Variants in SERPINA11 observed in about 807,000 individuals in gnomAD.
SERPINA11 encodes the protein serpin A11.
Under a neutral mutation model 29.4 loss-of-function variants are expected in SERPINA11, and 28 were observed. That is an observed-to-expected ratio of 0.95 (90% CI 0.70 to 1.30). SERPINA11 has a LOEUF of 1.30. SERPINA11 is among the 50% of genes most tolerant of loss of function. The pLI is 0.00. For missense variants in SERPINA11, 530 were observed against 507.3 expected (o/e 1.04, Z -0.43); for synonymous variants, 253 against 206.6 (o/e 1.22, Z -1.92).
chr14:94,444,842 C>T (rs182789088), intron 3 of SERPINA11, among the ~76,000 whole-genome samples: 3 of 152,256 alleles, frequency 2.0e-5, no homozygotes, highest in Non-Finnish European at 4.4e-5. Flanking sequence ...TCTATGCACC[C>T]TCCCCTTGAA....
intron 1 of SERPINA11, among the ~76,000 whole-genome samples, chr14:94,450,197 G>T (rs1472697402): frequency 6.6e-6 from 1 of 152,134 alleles, no homozygotes; most frequent in Non-Finnish European, 1.5e-5. Flanking sequence ...AGGGCTGTGG[G>T]GATGATGTCT....
chr14:94,447,727 A>G (rs1274899657), intron 2 of SERPINA11, among the ~76,000 whole-genome samples: 5 of 152,106 alleles, frequency 3.3e-5, no homozygotes, highest in Non-Finnish European at 7.4e-5. Flanking sequence ...TGAAAATGCA[A>G]TGATATCTCT....
intron 3 of SERPINA11, among the ~76,000 whole-genome samples, chr14:94,446,081 A>AGG: frequency 6.6e-6 from 1 of 152,292 alleles, no homozygotes; most frequent in East Asian, 1.9e-4. Flanking sequence ...GTACCAGTCT[A>AGG]AGTTCTACAT....
At chr14:94,449,561 T>TTTC (rs1898550095) in intron 1 of SERPINA11, among the ~76,000 whole-genome samples, 1 of 151,024 alleles carries the variant, frequency 6.6e-6, no homozygotes, top group African/African-American at 2.5e-5. Flanking sequence ...CTTTCTTTCT[T>TTTC]TCTTTCCTTC....
chr14:94,448,400 G>A lies in SERPINA11; in HGVS notation c.375C>T (p.Thr125=), dbSNP rs769649474. The A allele has an allele frequency of 1.2e-6, 2 of 1,614,162 alleles. No homozygotes were observed. Among genetic ancestry groups the A allele is most frequent in the Non-Finnish European group, 1.7e-6 (2 of 1,180,028 alleles). ...CGAGTTTGGGGCTGGGCAGGGCAAG[G>A]GTGTGGAGGAGGCTCCGGAAGCCCT... ...IHQGFRSLLH[T]LALPSPKLEL... Residue 125 remains threonine, a synonymous_variant, in exon 2 of 5, where the codon ACC becomes ACT. Coordinates refer to ENST00000334708, the MANE Select transcript of SERPINA11 (RefSeq NM_001080451.2).
rs1252300694 is a variant in SERPINA11 at position 94,446,664 on chromosome 14, G to C, written c.644-60C>G. 4 of 1,504,296 alleles carry C rather than the reference G, an allele frequency of 2.7e-6. No homozygotes were observed. In the African/African-American group the frequency reaches 4.2e-5, roughly 16 times the overall value. 93.2% of individuals were successfully genotyped at this position (1,504,296 alleles called of 1,614,324 possible). The stretch of plus-strand genomic sequence containing the variant: ...CTTTTCAAGAGAGCAACTCTGGGTA[G>C]ACACACACAAAACCACAGTTCCTCT... On this transcript the variant is annotated intron_variant, in intron 2 of 4. Transcript: ENST00000334708.
At position 94,448,674 on chromosome 14, in the gene SERPINA11, T is replaced by A; in HGVS notation, c.101A>T (p.Gln34Leu). The A allele has an allele frequency of 6.4e-7, 1 of 1,568,698 alleles. No homozygotes were observed. Among genetic ancestry groups the A allele is most frequent in the Non-Finnish European group, 8.6e-7 (1 of 1,157,658 alleles). Residue 34 changes from glutamine (Q) to leucine (L), a missense_variant, in exon 2 of 5, where the codon CAA (glutamine) becomes CTA (leucine). Gln to Leu is a moderately radical substitution (Grantham distance 113, BLOSUM62 -2). Transcript: ENST00000334708. ...CTCTGAGAGCTGATGCCTGGGGGGT[T>A]GAGGCCCCTGCAGACTTTTATCTCC... ...AHGDKSLQGP[Q>L]PPRHQLSEPA...
intron 1 of SERPINA11, among the ~76,000 whole-genome samples, chr14:94,449,437 C>CTT (rs1491540910): frequency 2.9e-5 from 3 of 103,774 alleles, no homozygotes; most frequent in Non-Finnish European, 5.3e-5. Context: ...TTCTTTCTTT[C>CTT]TTTCTTTCTT....
chr14:94,445,493 T>C (rs1328672399), intron 3 of SERPINA11, among the ~76,000 whole-genome samples: 9 of 152,182 alleles, frequency 5.9e-5, no homozygotes, highest in African/African-American at 2.2e-4. Context: ...AACTTTAATG[T>C]TTACAATGTT....
At chr14:94,451,889 A>G (rs1392636620) in intron 1 of SERPINA11, among the ~76,000 whole-genome samples, 1 of 152,202 alleles carries the variant, frequency 6.6e-6, no homozygotes, top group Non-Finnish European at 1.5e-5. Context: ...TTCCTCTTCC[A>G]GAAAGATCCC....
At chr14:94,444,223 G>A (rs529537627) in intron 3 of SERPINA11, among the ~76,000 whole-genome samples, 2 of 152,338 alleles carry the variant, frequency 1.3e-5, no homozygotes, top group African/African-American at 4.8e-5. Context: ...CCAAAACACA[G>A]TGGATGTTTA....
intron 3 of SERPINA11, 34 bp downstream of exon 3, chr14:94,446,297 A>G (rs765158363): frequency 1.0e-5 from 16 of 1,590,586 alleles, no homozygotes; most frequent in Non-Finnish European, 1.3e-5. Flanking sequence ...TTCTTGAGCA[A>G]GGTCAGCCAG....
chr14:94,448,408 G>A lies in SERPINA11; in HGVS notation c.367C>T (p.Leu123Phe). The change falls in exon 2 of 5, where the codon CTC becomes TTC. Residue 123 changes from leucine (L) to phenylalanine (F), a missense_variant. Transcript: ENST00000334708. ...ADIHQGFRSL[L>F]HTLALPSPKL... ...GGGCTGGGCAGGGCAAGGGTGTGGA[G>A]GAGGCTCCGGAAGCCCTGGTGGATG... is the stretch of plus-strand genomic sequence containing the variant. 1 of 1,614,168 alleles carries A rather than the reference G, an allele frequency of 6.2e-7. No individual in the cohort carries two copies. The highest frequency in any genetic ancestry group is 8.5e-7 in the Non-Finnish European group (1 of 1,180,030).
intron 2 of SERPINA11, among the ~76,000 whole-genome samples, chr14:94,446,957 A>T (rs1322805663): frequency 1.3e-5 from 2 of 152,366 alleles, no homozygotes; most frequent in Non-Finnish European, 2.9e-5. Context: ...AGGGATGATC[A>T]AACTGAGTCT....
chr14:94,447,125 A>G (rs1021310845), intron 2 of SERPINA11, among the ~76,000 whole-genome samples: 5 of 152,006 alleles, frequency 3.3e-5, no homozygotes, highest in African/African-American at 1.2e-4. Context: ...TCACTCACCC[A>G]CTCCAACTCC....
Position 94,446,508 on chromosome 14 carries a change from T to G in SERPINA11, c.740A>C (p.Gln247Pro). The G allele has an allele frequency of 1.2e-6, 2 of 1,614,210 alleles. No homozygotes were observed. The highest frequency in any genetic ancestry group is 1.7e-6 in the Non-Finnish European group (2 of 1,180,030). Reference sequence around the variant, plus strand: ...ATAGAGGAATCTGTGCATTTCCTTTTGGTGCATCATGGGGACCTGGAGAGA... The same window carrying G: ...ATAGAGGAATCTGTGCATTTCCTTTGGGTGCATCATGGGGACCTGGAGAGA... ...RTSLQVPMMH[Q>P]KEMHRFLYDQ... is the part of the protein sequence containing the mutation. The change falls in exon 3 of 5, where the codon CAA becomes CCA. Residue 247 changes from glutamine (Q) to proline (P), a missense_variant. Coordinates refer to ENST00000334708, the MANE Select transcript of SERPINA11 (RefSeq NM_001080451.2).
Position 94,448,385 on chromosome 14 carries a change from G to A in SERPINA11, c.390C>T (p.Ser130=), listed in dbSNP as rs755204546. The change falls in exon 2 of 5, where the codon AGC becomes AGT. Residue 130 remains serine (S), a synonymous_variant. Transcript: ENST00000334708. Reference sequence around the variant, plus strand: ...TTCCTACTTTTAGTTCGAGTTTGGGGCTGGGCAGGGCAAGGGTGTGGAGGA... The same window carrying A: ...TTCCTACTTTTAGTTCGAGTTTGGGACTGGGCAGGGCAAGGGTGTGGAGGA... The part of the protein sequence containing the change: ...RSLLHTLALP[S]PKLELKVGNS... 32 of 1,614,078 alleles carry A rather than the reference G, an allele frequency of 2.0e-5. No individual in the cohort carries two copies. In the Middle Eastern group the frequency reaches 1.2e-3, roughly 58 times the overall value.
chr14:94,442,773 C>T lies in SERPINA11; in HGVS notation c.1102G>A (p.Gly368Arg), dbSNP rs367819510. 1.1e-4 allele frequency: 184 copies of T among 1,611,920 alleles called. No individual in the cohort carries two copies. Among genetic ancestry groups the T allele is most frequent in the Middle Eastern group, 1.8e-4 (1 of 5,470 alleles). Residue 368 changes from glycine (G) to arginine (R), a missense_variant, in exon 5 of 5, where the codon GGG (glycine) becomes AGG (arginine). Physicochemically the swap from Gly to Arg is moderately radical, Grantham distance 125. Coordinates refer to ENST00000334708, the MANE Select transcript of SERPINA11 (RefSeq NM_001080451.2). Reference protein sequence around the residue: ...HKAMVDMSEKGTEAGAASGLL... With the variant: ...HKAMVDMSEKRTEAGAASGLL... ...CCTGAAGCAGCCCCGGCCTCGGTCCCCTTCTCACTCATGTCCACCATCGCC... is the reference window on the plus strand; with the variant it reads ...CCTGAAGCAGCCCCGGCCTCGGTCCTCTTCTCACTCATGTCCACCATCGCC...
At position 94,448,199 on chromosome 14, in the gene SERPINA11, G is replaced by A. The variant is rs776243828; in HGVS notation, c.576C>T (p.Val192=). 9 of 1,614,074 alleles carry A rather than the reference G, an allele frequency of 5.6e-6. No homozygotes were observed. The South Asian group carries it at 8.8e-5, about 16-fold the overall frequency. ...GGCTGAACTCCGGGAGGCAGTCCAC[G>A]ACTTGCCCGTATGTTTGCCTTCTCA... ...DYLRRQTYGQ[V]VDCLPEFSQD... The change falls in exon 2 of 5, where the codon GTC becomes GTT. Residue 192 remains valine, a synonymous_variant. Transcript: ENST00000334708.
Sources: allele counts gnomAD v4.1 joint callset (sites outside exome capture counted in the v4.1 genomes callset), GRCh38; gene constraint gnomAD v4.1.1; transcripts MANE v1.5; gene names NCBI Gene and HGNC (gene_info 2026-07-23, HGNC 2026-07-21).